Variants in APBA2 observed in about 807,000 individuals in gnomAD.
The protein encoded by APBA2 is amyloid beta precursor protein binding family A member 2, also known as amyloid-beta A4 precursor protein-binding family A member 2.
A neutral mutation model predicts 75.0 loss-of-function variants in APBA2; 30 were observed. The ratio of observed to expected loss-of-function variants is 0.40; its 90% CI spans 0.30 to 0.54. The LOEUF (loss-of-function observed/expected upper bound fraction) is 0.54, where lower values mean the gene tolerates loss of function less well. Among genes scored for constraint, APBA2 ranks in the 20% least tolerant of loss-of-function variants. The pLI, the probability that APBA2 is intolerant of heterozygous loss-of-function variation, is 0.49. For synonymous variants in APBA2, 444 were observed against 409.6 expected, an observed-to-expected ratio of 1.08 and a Z score of -1.01; for missense variants, 801 against 1,016.1, an observed-to-expected ratio of 0.79 and a Z score of 2.88.
At chr15:28,927,225 C>G (rs1412703679) in intron 2 of APBA2, among the ~76,000 whole-genome samples, 3 of 152,082 alleles carry the variant, frequency 2.0e-5, no homozygotes, top group Admixed American at 1.3e-4. Context: ...CTTTACCCCT[C>G]TATAGATAAG....
intron 4 of APBA2, among the ~76,000 whole-genome samples, chr15:29,056,594 C>CT (rs1337477948): frequency 1.1e-3 from 1 of 908 alleles, no homozygotes; most frequent in African/African-American, 3.8e-3. Flanking sequence ...CCCTCCCTCC[C>CT]TCCCTCCCTC....
intron 13 of APBA2, among the ~76,000 whole-genome samples, chr15:29,113,115 G>A (rs192682665): frequency 1.1e-4 from 17 of 152,160 alleles, no homozygotes; most frequent in African/African-American, 3.9e-4. Context: ...TGTCACCCTC[G>A]GCTGTTGTGA....
intron 4 of APBA2, chr15:29,071,064 A>C (rs758179121): frequency 6.1e-5 from 28 of 456,568 alleles, no homozygotes; most frequent in South Asian, 4.3e-4. Flanking sequence ...GAGTGCTTGG[A>C]AGCATCCTGA....
intron 2 of APBA2, among the ~76,000 whole-genome samples, chr15:28,976,375 C>A (rs1453074877): frequency 6.6e-6 from 1 of 152,198 alleles, no homozygotes; most frequent in Non-Finnish European, 1.5e-5. Flanking sequence ...CAGTGTTAAG[C>A]AGAAGCAGTT....
intron 2 of APBA2, chr15:28,990,386 C>T (rs2038162305): frequency 7.3e-6 from 1 of 136,116 alleles, no homozygotes; most frequent in Admixed American, 6.9e-5. Flanking sequence ...AACGGAAACT[C>T]CGTCTTAAAA....
chr15:29,053,739 A>C, intron 3 of APBA2, 106 bp from the exon 4 acceptor site: 1 of 689,970 alleles, frequency 1.4e-6, no homozygotes, highest in Admixed American at 2.6e-5. Context: ...GTGCCCTCAC[A>C]TGGCTGCGGG....
chr15:28,920,425 A>AT (rs2033913333), intron 1 of APBA2, among the ~76,000 whole-genome samples: 1 of 152,194 alleles, frequency 6.6e-6, no homozygotes, highest in Non-Finnish European at 1.5e-5. Context: ...TGGCCTTGTC[A>AT]TGCAGAACTG....
chr15:29,023,801 A>G (rs932133244), intron 3 of APBA2, among the ~76,000 whole-genome samples: 1 of 151,980 alleles, frequency 6.6e-6, no homozygotes. Flanking sequence ...CTAATTCACA[A>G]TAAAAGAGAA....
intron 2 of APBA2, among the ~76,000 whole-genome samples, chr15:28,950,120 G>A (rs2035773495): frequency 1.3e-5 from 2 of 152,172 alleles, no homozygotes; most frequent in Non-Finnish European, 1.5e-5. Flanking sequence ...GTTTTCAAGA[G>A]TACAGGTCTT....
intron 2 of APBA2, among the ~76,000 whole-genome samples, chr15:28,939,473 C>A (rs901299362): frequency 1.3e-5 from 2 of 152,192 alleles, no homozygotes; most frequent in South Asian, 2.1e-4. Flanking sequence ...TTCTATTATG[C>A]CAACAGTGTA....
intron 1 of APBA2, among the ~76,000 whole-genome samples, chr15:28,902,546 A>G (rs973868866): frequency 5.9e-5 from 9 of 152,150 alleles, no homozygotes; most frequent in Admixed American, 2.0e-4. Flanking sequence ...GGCGCTAGGG[A>G]GAAGCTATGG....
intron 3 of APBA2, among the ~76,000 whole-genome samples, chr15:29,014,772 C>T (rs1566907773): frequency 6.7e-6 from 1 of 150,232 alleles, no homozygotes; most frequent in Non-Finnish European, 1.5e-5. Context: ...GCAGTGGTGC[C>T]ATCATAGCTC....
At chr15:28,949,365 G>A (rs1318872319) in intron 2 of APBA2, among the ~76,000 whole-genome samples, 3 of 152,160 alleles carry the variant, frequency 2.0e-5, no homozygotes, top group African/African-American at 7.2e-5. Context: ...GGGTATCTGC[G>A]GAAGAGCACT....
Position 29,046,122 on chromosome 15 carries a change from C to T in APBA2, c.-40-7723C>T, listed in dbSNP as rs1396179842. Reference sequence around the variant, plus strand: ...GGGCTTCCTGAAAAAGTTGCTTACACATTGAGGTGTGTTAAATGGAATTCT... The same window carrying T: ...GGGCTTCCTGAAAAAGTTGCTTACATATTGAGGTGTGTTAAATGGAATTCT... On this transcript the variant is annotated intron_variant, in intron 3 of 14. Coordinates refer to ENST00000683413, the MANE Select transcript of APBA2 (RefSeq NM_001353788.2). This position sits in a 1 kb window ranked among gnomAD's most constrained non-coding sequence, Gnocchi z 5.0. 6.6e-6 allele frequency among the ~76,000 whole-genome samples: 1 copy of T among 152,174 alleles called. No individual in the cohort carries two copies. The highest frequency in any genetic ancestry group is 1.5e-5 in the Non-Finnish European group (1 of 68,034).
chr15:28,967,614 A>G (rs1304075252), intron 2 of APBA2, among the ~76,000 whole-genome samples: 3 of 151,868 alleles, frequency 2.0e-5, no homozygotes, highest in African/African-American at 4.8e-5. Context: ...AATTTTTTGT[A>G]TTTTTAGTAG....
intron 3 of APBA2, among the ~76,000 whole-genome samples, chr15:29,036,221 A>G (rs1226473565): frequency 7.4e-6 from 1 of 134,768 alleles, no homozygotes; most frequent in Non-Finnish European, 1.5e-5. Context: ...GCCTGAATAC[A>G]TATATATATA....
intron 2 of APBA2, among the ~76,000 whole-genome samples, chr15:28,987,754 T>A (rs1331058972): frequency 9.9e-6 from 1 of 101,280 alleles, no homozygotes; most frequent in East Asian, 4.4e-4. Flanking sequence ...ATATATATAT[T>A]CTTTTTTTTT....
chr15:29,033,948 G>C (rs2040612348), intron 3 of APBA2, among the ~76,000 whole-genome samples: 1 of 117,466 alleles, frequency 8.5e-6, no homozygotes, highest in African/African-American at 3.4e-5. Flanking sequence ...CTGGGCGACA[G>C]AGTGAGACTC....
chr15:29,059,358 C>T (rs4779731), intron 4 of APBA2, among the ~76,000 whole-genome samples: 4,070 of 152,098 alleles, frequency 0.027, 183 homozygotes, highest in African/African-American at 0.093. Flanking sequence ...AGTGCTGACT[C>T]GTCTATGCTG....
Sources: gnomAD v4.1 joint callset for allele counts (sites outside exome capture counted in the v4.1 genomes callset) on GRCh38, gnomAD v4.1.1 for gene constraint, Gnocchi (gnomAD v3.1) non-coding constraint, MANE v1.5 for transcripts, NCBI Gene and HGNC (gene_info 2026-07-23, HGNC 2026-07-21) for gene names.